The following PTBP3 variants were observed in gnomAD, a reference collection of about 807,000 sequenced individuals.
PTBP3 encodes polypyrimidine tract binding protein 3.
Under a neutral mutation model 58.7 loss-of-function variants are expected in PTBP3, and 20 were observed. The observed-to-expected ratio is 0.34, with a 90% confidence interval of 0.24 to 0.50. PTBP3 has a LOEUF of 0.50. Ranked by LOEUF, PTBP3 falls within the 20% of genes least tolerant of loss-of-function variation. PTBP3 has a pLI of 0.98. For missense variants in PTBP3, 509 were observed against 637.2 expected, an observed-to-expected ratio of 0.80 and a Z score of 2.17; for synonymous variants, 185 against 219.8, an observed-to-expected ratio of 0.84 and a Z score of 1.40.
In PTBP3 at chr9:112,332,849, C is replaced by G. The variant is rs774494796; in HGVS notation, c.-52+621G>C. On this transcript the variant is annotated intron_variant, in intron 1 of 13. Coordinates refer to ENST00000374257, the MANE Select transcript of PTBP3 (RefSeq NM_001163788.4). Reference sequence around the variant, plus strand: ...GGTGAGGGGGAAGCGTCCATGGTCACTAAGTCCAGACCCCTGGTGTCGAGA... The same window carrying G: ...GGTGAGGGGGAAGCGTCCATGGTCAGTAAGTCCAGACCCCTGGTGTCGAGA... 6.8e-6 allele frequency: 11 copies of G among 1,612,438 alleles called. No individual in the cohort carries two copies. In the East Asian group the frequency reaches 2.0e-4, roughly 29 times the overall value.
chr9:112,334,000 G>C (rs1263571942), upstream of PTBP3, among the ~76,000 whole-genome samples: 1 of 150,790 alleles, frequency 6.6e-6, no homozygotes, highest in Non-Finnish European at 1.5e-5. Flanking sequence ...AGGTTTGAAT[G>C]CCTCCCTCTG....
In PTBP3 at chr9:112,255,078, C is replaced by A. The variant is rs150782446; in HGVS notation, c.517-2290G>T. ...TCTGAATATGGGTGAACCTTCAAGA[C>A]ATCATGCCAGGTGAAATATGCCAGT... is the stretch of plus-strand genomic sequence containing the variant. On this transcript the variant is annotated intron_variant, in intron 5 of 13. Coordinates refer to ENST00000374257, the MANE Select transcript of PTBP3 (RefSeq NM_001163788.4). Among the ~76,000 whole-genome samples the A allele has an allele frequency of 5.9e-5, 9 of 152,274 alleles. No homozygotes were observed. The East Asian group carries it at 1.7e-3, about 29-fold the overall frequency.
In PTBP3 at chr9:112,239,389, G is replaced by A. The variant is rs143386894; in HGVS notation, c.803-4492C>T. 4.5e-4 allele frequency among the ~76,000 whole-genome samples: 68 copies of A among 152,164 alleles called. No individual in the cohort carries two copies. In the East Asian group the frequency reaches 0.013, roughly 29 times the overall value. Reference sequence around the variant, plus strand: ...TTAAAAACAGAATAAACAATACACAGAATACGCAATAAGTTAATTGTATGG... The same window carrying A: ...TTAAAAACAGAATAAACAATACACAAAATACGCAATAAGTTAATTGTATGG... On this transcript the variant is annotated intron_variant, in intron 7 of 13. Coordinates refer to ENST00000374257, the MANE Select transcript of PTBP3 (RefSeq NM_001163788.4).
chr9:112,377,534 T>C, the PTBP3 span, among the ~76,000 whole-genome samples: 251 of 152,336 alleles, frequency 1.6e-3, no homozygotes, highest in Middle Eastern at 3.4e-3. Flanking sequence ...CCTTAAGTTA[T>C]ATAAACTATC....
At chr9:112,323,474 C>G (rs1208111538) in intron 1 of PTBP3, among the ~76,000 whole-genome samples, 1 of 152,202 alleles carries the variant, frequency 6.6e-6, no homozygotes, top group Non-Finnish European at 1.5e-5. Context: ...GCACATCAGA[C>G]AGCAAGCCCA....
rs756711524 is a variant in PTBP3, at chr9:112,220,279, CAG to C, written c.*3570_*3571del. ...GATGGCACGGAGACACTGAAAAGAA[CAG>C]AGAGCCAGGCGTGGTGGCTCATGCC... On this transcript the variant is annotated 3_prime_UTR_variant, in exon 14 of 14. Transcript: ENST00000374257. 2.3e-6 allele frequency: 3 copies of C among 1,329,080 alleles called. No individual in the cohort carries two copies. In the Admixed American group the frequency reaches 6.2e-5, roughly 27 times the overall value. 82.3% of individuals were successfully genotyped at this position (1,329,080 alleles called of 1,614,324 possible). A position where few individuals can be genotyped will look rare whatever the true frequency, so the allele number is the denominator to read the frequency against.
chr9:112,240,926 C>G (rs1362739699), intron 7 of PTBP3, among the ~76,000 whole-genome samples: 1 of 151,762 alleles, frequency 6.6e-6, no homozygotes, highest in East Asian at 1.9e-4. Context: ...CAGAATAAGG[C>G]TACGAAGAAA....
rs889796622 is a variant in PTBP3, at chr9:112,224,172, A to C, written c.1403T>G (p.Ile468Arg). The C allele has an allele frequency of 1.3e-6, 2 of 1,572,828 alleles. No homozygotes were observed. The highest frequency in any genetic ancestry group is 1.7e-6 in the Non-Finnish European group (2 of 1,166,862). The change falls in exon 13 of 14, where the codon ATA becomes AGA. Residue 468 changes from isoleucine (I) to arginine (R), a missense_variant. Around this residue, in one of 4 missense-constraint regions of PTBP3, gnomAD observed 135 missense variants for 229.0 expected, o/e 0.59. Coordinates refer to ENST00000374257, the MANE Select transcript of PTBP3 (RefSeq NM_001163788.4). ...AGCCTTCACTGAACATCCAGCTTCT[A>C]TGAAAAGGTTCTTCAGATCATCCAC... ...VTVDDLKNLF[I>R]EAGCSVKAFK... is the part of the protein sequence containing the mutation.
chr9:112,253,662 G>C (rs376353691), intron 5 of PTBP3, among the ~76,000 whole-genome samples: 1 of 152,170 alleles, frequency 6.6e-6, no homozygotes, highest in African/African-American at 2.4e-5. Context: ...CTGGTGGGAG[G>C]TGACTGGATC....
At chr9:112,247,555 A>G (rs1228088698) in intron 7 of PTBP3, among the ~76,000 whole-genome samples, 1 of 149,126 alleles carries the variant, frequency 6.7e-6, no homozygotes, top group African/African-American at 2.5e-5. Context: ...AAAATGACAA[A>G]AAAAAAAAAA....
the PTBP3 span, among the ~76,000 whole-genome samples, chr9:112,344,815 C>T: frequency 6.6e-6 from 1 of 151,836 alleles, no homozygotes; most frequent in Non-Finnish European, 1.5e-5. Flanking sequence ...TTCTATATAC[C>T]ACAAAAACAA....
chr9:112,310,953 A>G (rs1183654919), intron 1 of PTBP3, among the ~76,000 whole-genome samples: 1 of 152,242 alleles, frequency 6.6e-6, no homozygotes, highest in Non-Finnish European at 1.5e-5. Flanking sequence ...GAGATTAGAG[A>G]GAAGGTGTGT....
upstream of PTBP3, among the ~76,000 whole-genome samples, chr9:112,337,848 C>T (rs112128505): frequency 8.1e-3 from 1,232 of 152,256 alleles, 21 homozygotes; most frequent in African/African-American, 0.028. Flanking sequence ...CAACATAACC[C>T]TATTTCTGTT....
At chr9:112,252,573 A>T in intron 6 of PTBP3, 105 bp downstream of exon 6, 1 of 817,394 alleles carries the variant, frequency 1.2e-6, no homozygotes, top group Non-Finnish European at 2.0e-6. Context: ...GTAAACATGT[A>T]TATTTTGCCA....
At chr9:112,330,968 A>C (rs954984591) in intron 1 of PTBP3, among the ~76,000 whole-genome samples, 6 of 152,204 alleles carry the variant, frequency 3.9e-5, no homozygotes, top group Non-Finnish European at 7.3e-5. Context: ...TCAGAACTAA[A>C]ATAAATACAA....
intron 1 of PTBP3, among the ~76,000 whole-genome samples, chr9:112,301,012 T>C (rs1351901867): frequency 6.6e-6 from 1 of 151,054 alleles, no homozygotes; most frequent in Non-Finnish European, 1.5e-5. Context: ...ATAAATAAAC[T>C]GAACTTTGTC....
intron 1 of PTBP3, among the ~76,000 whole-genome samples, chr9:112,316,932 G>T (rs751881460): frequency 6.7e-6 from 1 of 149,340 alleles, no homozygotes; most frequent in Non-Finnish European, 1.5e-5. Context: ...AGATCATGCC[G>T]CTGCACTCCA....
the PTBP3 span, among the ~76,000 whole-genome samples, chr9:112,351,727 A>G: frequency 6.6e-6 from 1 of 152,188 alleles, no homozygotes; most frequent in Non-Finnish European, 1.5e-5. Context: ...TTATAATTCA[A>G]TATCATTTCA....
intron 1 of PTBP3, among the ~76,000 whole-genome samples, chr9:112,331,650 C>T (rs2132496820): frequency 6.6e-6 from 1 of 152,292 alleles, no homozygotes; most frequent in African/African-American, 2.4e-5. Flanking sequence ...GTTATTGGTT[C>T]TGATACAAAG....
Sources: allele counts gnomAD v4.1 joint callset (sites outside exome capture counted in the v4.1 genomes callset), GRCh38; gene constraint gnomAD v4.1.1; regional missense constraint gnomAD v4.1.1; transcripts MANE v1.5; gene names NCBI Gene and HGNC (gene_info 2026-07-23, HGNC 2026-07-21).